Variants in RBPJ observed in about 807,000 individuals in gnomAD.
RBPJ encodes the protein recombining binding protein suppressor of hairless.
RBPJ carries 9 observed loss-of-function variants against 67.8 expected under a neutral mutation model. That is an observed-to-expected ratio of 0.13 (90% confidence interval 0.08 to 0.23). The LOEUF is 0.23. RBPJ is among the 10% of genes least tolerant of loss of function. The pLI is 1.00. For synonymous variants in RBPJ, 198 were observed against 203.3 expected, an observed-to-expected ratio of 0.97 and a Z score of 0.22; for missense variants, 305 against 595.6, an observed-to-expected ratio of 0.51 and a Z score of 5.08.
At chr4:26,106,654 G>A in the RBPJ span, among the ~76,000 whole-genome samples, 3 of 152,114 alleles carry the variant, frequency 2.0e-5, no homozygotes, top group Non-Finnish European at 2.9e-5. Context: ...CCTTGGTGTC[G>A]CTGTTTTGTA....
chr4:26,206,772 C>G, intron 1 of RBPJ, among the ~76,000 whole-genome samples: 1 of 147,924 alleles, frequency 6.8e-6, no homozygotes, highest in East Asian at 2.0e-4. Flanking sequence ...AAAAAAAAAT[C>G]CTGGCCAGTT....
intron 2 of RBPJ, among the ~76,000 whole-genome samples, chr4:26,402,675 C>A (rs754959341): frequency 5.3e-5 from 8 of 152,184 alleles, no homozygotes; most frequent in Non-Finnish European, 1.2e-4. Flanking sequence ...TCAGTTCTTC[C>A]TCTTATCAGT....
chr4:26,379,645 T>TGAGGA (rs1730116017), intron 1 of RBPJ, among the ~76,000 whole-genome samples: 1 of 152,058 alleles, frequency 6.6e-6, no homozygotes, highest in Admixed American at 6.6e-5. Flanking sequence ...TGCTACCAGG[T>TGAGGA]TCCTCCCTCG....
chr4:26,332,086 GAATT>G (rs1724325882), intron 1 of RBPJ, among the ~76,000 whole-genome samples: 2 of 152,232 alleles, frequency 1.3e-5, no homozygotes, highest in South Asian at 2.1e-4. Flanking sequence ...TCAAGGAAGT[GAATT>G]AATTTCAGCA....
At chr4:26,355,295 C>T (rs977114085) in intron 1 of RBPJ, among the ~76,000 whole-genome samples, 1 of 152,064 alleles carries the variant, frequency 6.6e-6, no homozygotes, top group Non-Finnish European at 1.5e-5. Flanking sequence ...TTAAATACAT[C>T]CCATCTGTGA....
chr4:26,384,488 CTG>C (rs945485476), intron 1 of RBPJ: 1 of 152,110 alleles, frequency 6.6e-6, no homozygotes, highest in African/African-American at 2.4e-5. Flanking sequence ...TATCCTATAA[CTG>C]TGTTTATGAA....
At chr4:26,423,722 T>C (rs1283466332) in intron 5 of RBPJ, among the ~76,000 whole-genome samples, 1 of 152,246 alleles carries the variant, frequency 6.6e-6, no homozygotes, top group African/African-American at 2.4e-5. Flanking sequence ...CAGAATGTTT[T>C]TCTGCTTACA....
At chr4:26,389,010 T>C (rs1330271928) in intron 2 of RBPJ, among the ~76,000 whole-genome samples, 1 of 151,920 alleles carries the variant, frequency 6.6e-6, no homozygotes, top group Non-Finnish European at 1.5e-5. Flanking sequence ...TCTCTTGAGC[T>C]TAGGAGTTCA....
At chr4:26,229,747 C>T (rs146866463) in intron 1 of RBPJ, among the ~76,000 whole-genome samples, 135 of 151,808 alleles carry the variant, frequency 8.9e-4, no homozygotes, top group African/African-American at 3.0e-3. Flanking sequence ...TATTATAAGA[C>T]GATAATAGTA....
chr4:26,122,121 A>G, the RBPJ span, among the ~76,000 whole-genome samples: 1 of 152,182 alleles, frequency 6.6e-6, no homozygotes, highest in African/African-American at 2.4e-5. Flanking sequence ...TATTAGCCAA[A>G]GGATGCAAGC....
At chr4:26,110,462 C>G in the RBPJ span, among the ~76,000 whole-genome samples, 2 of 152,198 alleles carry the variant, frequency 1.3e-5, no homozygotes, top group Non-Finnish European at 2.9e-5. This position sits in a 1 kb window ranked among gnomAD's most constrained non-coding sequence, Gnocchi z 4.5. Context: ...GATTCCTGTC[C>G]TTCAGCTGGC....
intron 1 of RBPJ, among the ~76,000 whole-genome samples, chr4:26,200,685 A>G (rs1284827183): frequency 1.3e-5 from 2 of 152,154 alleles, no homozygotes; most frequent in South Asian, 2.1e-4. Flanking sequence ...AAAAAACCCA[A>G]GCAATCAGAT....
chr4:26,407,272 A>G (rs564224110), intron 3 of RBPJ, among the ~76,000 whole-genome samples: 37 of 152,286 alleles, frequency 2.4e-4, no homozygotes, highest in African/African-American at 7.5e-4. Context: ...TGAGCTATGG[A>G]ATGATTATAA....
upstream of RBPJ, among the ~76,000 whole-genome samples, chr4:26,158,936 T>C (rs1281227488): frequency 8.0e-6 from 1 of 124,608 alleles, no homozygotes. Flanking sequence ...ACTTTCTCCC[T>C]CTCTCTCTTT....
intron 1 of RBPJ, among the ~76,000 whole-genome samples, chr4:26,367,137 T>A (rs1487485416): frequency 6.7e-6 from 1 of 149,806 alleles, no homozygotes; most frequent in African/African-American, 2.5e-5. Context: ...AAAAATAAAT[T>A]AATTAATAAA....
chr4:26,373,915 C>CTTTTTTTTTTTTT (rs765161799), intron 1 of RBPJ, among the ~76,000 whole-genome samples: 6 of 113,286 alleles, frequency 5.3e-5, no homozygotes, highest in Non-Finnish European at 8.7e-5. Flanking sequence ...TTATTTTTTA[C>CTTTTTTTTTTTTT]TTTTTTTTTT....
At chr4:26,344,820 C>T (rs1274690645) in intron 1 of RBPJ, among the ~76,000 whole-genome samples, 1 of 152,094 alleles carries the variant, frequency 6.6e-6, no homozygotes, top group Non-Finnish European at 1.5e-5. Context: ...ATTTGCAAAT[C>T]TCTGAACTGT....
intron 1 of RBPJ, among the ~76,000 whole-genome samples, chr4:26,327,337 A>G (rs1723735328): frequency 6.6e-6 from 1 of 152,210 alleles, no homozygotes; most frequent in Non-Finnish European, 1.5e-5. Context: ...GAGACAATGC[A>G]TAATGGTAAG....
At chr4:26,269,146 T>G (rs770113710) in intron 1 of RBPJ, among the ~76,000 whole-genome samples, 56 of 152,050 alleles carry the variant, frequency 3.7e-4, no homozygotes, top group Non-Finnish European at 7.9e-4. Context: ...TTCCCTTCCC[T>G]CTGAGCCCAT....
Sources: gnomAD v4.1 joint callset for allele counts (sites outside exome capture counted in the v4.1 genomes callset) on GRCh38, gnomAD v4.1.1 for gene constraint, Gnocchi (gnomAD v3.1) non-coding constraint, MANE v1.5 for transcripts, NCBI Gene and HGNC (gene_info 2026-07-23, HGNC 2026-07-21) for gene names.